MARK1: variants seen among roughly 807,000 people sequenced by gnomAD.
The protein encoded by MARK1 is microtubule affinity regulating kinase 1, also known as serine/threonine-protein kinase MARK1.
In MARK1, 40 loss-of-function variants were observed where a neutral mutation model predicts 96.3. That is an observed-to-expected ratio of 0.42 (90% CI 0.32 to 0.54). The LOEUF (loss-of-function observed/expected upper bound fraction) is 0.54, where lower values mean the gene tolerates loss of function less well. MARK1 is among the 20% of genes least tolerant of loss of function. The pLI, the probability that MARK1 is intolerant of heterozygous loss-of-function variation, is 0.16. For synonymous variants in MARK1, 317 were observed against 341.2 expected (o/e 0.93, Z 0.78); for missense variants, 719 against 984.6 (o/e 0.73, Z 3.61).
chr1:220,592,239 T>C (rs1302140532), intron 3 of MARK1, among the ~76,000 whole-genome samples: 3 of 146,580 alleles, frequency 2.0e-5, no homozygotes, highest in Admixed American at 6.9e-5. Context: ...TATATTATAT[T>C]ATATTATATT....
intron 1 of MARK1, among the ~76,000 whole-genome samples, chr1:220,551,243 A>C (rs1018652053): frequency 3.3e-5 from 5 of 152,230 alleles, no homozygotes; most frequent in Admixed American, 3.3e-4. Flanking sequence ...AACATCAGCT[A>C]TGTCAAGCGT....
At chr1:220,538,860 C>T (rs1558243763) in intron 1 of MARK1, among the ~76,000 whole-genome samples, 1 of 149,626 alleles carries the variant, frequency 6.7e-6, no homozygotes, top group Non-Finnish European at 1.5e-5. Flanking sequence ...CATGATTTGG[C>T]TCTCTGTTTG....
chr1:220,659,978 A>G (rs948246317), intron 17 of MARK1, among the ~76,000 whole-genome samples: 5 of 152,248 alleles, frequency 3.3e-5, no homozygotes, highest in Non-Finnish European at 7.4e-5. Flanking sequence ...AGTAGAGACG[A>G]GGTTTCACCA....
intron 5 of MARK1, among the ~76,000 whole-genome samples, chr1:220,601,822 C>T (rs1312275016): frequency 6.6e-6 from 1 of 152,112 alleles, no homozygotes. Context: ...AGGCCTTCAC[C>T]ACTCTCCTTC....
In MARK1 at chr1:220,663,834, A is replaced by G. The variant is rs1012867375; in HGVS notation, c.*1668A>G. On this transcript the variant is annotated 3_prime_UTR_variant, in exon 18 of 18. Coordinates refer to ENST00000366917, the MANE Select transcript of MARK1 (RefSeq NM_018650.5). Reference sequence around the variant, plus strand: ...CCCTTTTTAACCTAGTGTTCATTCAAAAAAAAATTGATGCAAATCTTTATT... The same window carrying G: ...CCCTTTTTAACCTAGTGTTCATTCAGAAAAAAATTGATGCAAATCTTTATT... The G allele has an allele frequency of 6.6e-6, 1 of 152,290 alleles. No individual in the cohort carries two copies. Among genetic ancestry groups the G allele is most frequent in the Non-Finnish European group, 1.5e-5 (1 of 67,920 alleles). The allele number at this position is 152,290 out of a possible 1,614,324, so 9.4% of individuals were successfully genotyped here. A position where few individuals can be genotyped will look rare whatever the true frequency, so the allele number is the denominator to read the frequency against.
Position 220,654,942 on chromosome 1 carries a change from G to A in MARK1, c.1988+1590G>A, listed in dbSNP as rs1669085395. Among the ~76,000 whole-genome samples the A allele has an allele frequency of 6.6e-6, 1 of 152,236 alleles. No individual in the cohort carries two copies. The highest frequency in any genetic ancestry group is 2.1e-4 in the South Asian group (1 of 4,830). ...TGGTCTGTTGGGAGGTTCTGATAAA[G>A]ATTGCCATATAGTCTTTGAACACAT... is the stretch of plus-strand genomic sequence containing the variant. On this transcript the variant is annotated intron_variant, in intron 16 of 17. Coordinates refer to ENST00000366917, the MANE Select transcript of MARK1 (RefSeq NM_018650.5). The surrounding 1 kb of genome is among the most constrained non-coding windows in gnomAD (Gnocchi z 4.0).
chr1:220,552,804 A>G (rs2102747809), intron 1 of MARK1, among the ~76,000 whole-genome samples: 1 of 152,204 alleles, frequency 6.6e-6, no homozygotes, highest in East Asian at 1.9e-4. Flanking sequence ...AAAATAATCA[A>G]CCTGTCACTG....
chr1:220,545,246 T>C (rs149332330), intron 1 of MARK1, among the ~76,000 whole-genome samples: 51 of 152,208 alleles, frequency 3.4e-4, no homozygotes, highest in African/African-American at 1.2e-3. Flanking sequence ...GGGCAGCATT[T>C]AGTGAGAGGG....
At chr1:220,579,271 A>G (rs1664069773) in intron 1 of MARK1, 83 bp from the exon 2 acceptor site, 1 of 896,920 alleles carries the variant, frequency 1.1e-6, no homozygotes, top group African/African-American at 1.7e-5. Context: ...AAGAATTGGT[A>G]ATAATAATTA....
At chr1:220,646,933 T>C (rs1053759575) in intron 13 of MARK1, among the ~76,000 whole-genome samples, 2 of 151,820 alleles carry the variant, frequency 1.3e-5, no homozygotes, top group African/African-American at 4.8e-5. Context: ...AAATGTAAAA[T>C]CCAAAACTAT....
chr1:220,660,617 A>C (rs969364166), intron 17 of MARK1, among the ~76,000 whole-genome samples: 3 of 152,206 alleles, frequency 2.0e-5, no homozygotes, highest in Non-Finnish European at 4.4e-5. Context: ...ATAATTGTTC[A>C]AGAAATTTAA....
intron 1 of MARK1, 65 bp downstream of exon 1, chr1:220,528,938 C>T: frequency 1.4e-6 from 2 of 1,477,412 alleles, no homozygotes; most frequent in Non-Finnish European, 1.8e-6. Context: ...CCCACTTCAC[C>T]CGCGCTTGGG....
chr1:220,541,637 C>T (rs755583925), intron 1 of MARK1, among the ~76,000 whole-genome samples: 1 of 152,142 alleles, frequency 6.6e-6, no homozygotes, highest in African/African-American at 2.4e-5. Flanking sequence ...TGAATTGATG[C>T]TTTTATCACT....
intron 1 of MARK1, among the ~76,000 whole-genome samples, chr1:220,534,333 A>G (rs1178661231): frequency 6.6e-6 from 1 of 152,088 alleles, no homozygotes; most frequent in Non-Finnish European, 1.5e-5. Flanking sequence ...TTTGAAATGT[A>G]CAATTGATTA....
intron 1 of MARK1, among the ~76,000 whole-genome samples, chr1:220,537,899 C>G (rs1003872494): frequency 1.3e-5 from 2 of 151,552 alleles, no homozygotes; most frequent in African/African-American, 4.8e-5. Context: ...TGAGAAGTGT[C>G]TGTTCATGTC....
At chr1:220,588,211 C>A (rs1572133848) in intron 3 of MARK1, among the ~76,000 whole-genome samples, 1 of 152,284 alleles carries the variant, frequency 6.6e-6, no homozygotes, top group Non-Finnish European at 1.5e-5. Flanking sequence ...AACTTCATAT[C>A]TCCAACAATT....
At chr1:220,580,928 A>G (rs1664198005) in intron 2 of MARK1, 137 bp from the exon 3 acceptor site, 1 of 357,816 alleles carries the variant, frequency 2.8e-6, no homozygotes, top group Non-Finnish European at 5.3e-6. Context: ...TCAAAATGTT[A>G]CTATCTGATT....
chr1:220,532,888 C>G (rs752122030), intron 1 of MARK1, among the ~76,000 whole-genome samples: 3 of 151,892 alleles, frequency 2.0e-5, no homozygotes, highest in Admixed American at 6.6e-5. Flanking sequence ...TGCCTGTAGT[C>G]ATTCACAGCT....
chr1:220,546,026 C>T (rs569112302), intron 1 of MARK1, among the ~76,000 whole-genome samples: 1 of 152,254 alleles, frequency 6.6e-6, no homozygotes, highest in East Asian at 1.9e-4. Context: ...TTCTTCACCC[C>T]CCATCTTTGA....
Sources: allele counts gnomAD v4.1 joint callset (sites outside exome capture counted in the v4.1 genomes callset), GRCh38; gene constraint gnomAD v4.1.1; non-coding constraint Gnocchi (gnomAD v3.1); transcripts MANE v1.5; gene names NCBI Gene and HGNC (gene_info 2026-07-23, HGNC 2026-07-21).